Variants in TMEFF2 observed in about 807,000 individuals in gnomAD.
TMEFF2 encodes the protein transmembrane protein with EGF like and two follistatin like domains 2.
In TMEFF2, 28 loss-of-function variants were observed where a neutral mutation model predicts 53.8. The ratio of observed to expected loss-of-function variants is 0.52; its 90% CI spans 0.39 to 0.71. The LOEUF (loss-of-function observed/expected upper bound fraction) is 0.71, where lower values mean the gene tolerates loss of function less well. Among genes scored for constraint, TMEFF2 ranks in the 30% least tolerant of loss-of-function variants. The pLI, the probability that TMEFF2 is intolerant of heterozygous loss-of-function variation, is 0.00. For missense variants in TMEFF2, 353 were observed against 455.2 expected (o/e 0.78, Z 2.04); for synonymous variants, 162 against 166.3 (o/e 0.97, Z 0.20).
chr2:192,091,485 AAAC>A (rs1181386149), intron 4 of TMEFF2, among the ~76,000 whole-genome samples: 2 of 152,198 alleles, frequency 1.3e-5, no homozygotes, highest in Non-Finnish European at 1.5e-5. Flanking sequence ...AGAGAAAGAA[AAAC>A]AATATTTACT....
chr2:192,152,393 T>C (rs1350216440), intron 4 of TMEFF2, among the ~76,000 whole-genome samples: 2 of 151,916 alleles, frequency 1.3e-5, no homozygotes, highest in Admixed American at 1.3e-4. Flanking sequence ...TGATTGCTGT[T>C]GTAATCATTT....
chr2:192,188,830 TCTATCTATCTA>T (rs1559164493), intron 2 of TMEFF2, among the ~76,000 whole-genome samples: 11,697 of 139,312 alleles, frequency 0.084, 697 homozygotes, highest in African/African-American at 0.11. Flanking sequence ...CGCTTTTCTA[TCTATCTATCTA>T]TCTATCTATC....
chr2:191,960,698 G>A (rs1692246599), intron 7 of TMEFF2, among the ~76,000 whole-genome samples: 1 of 152,296 alleles, frequency 6.6e-6, no homozygotes, highest in Admixed American at 6.5e-5. Context: ...TTCTGTGTAA[G>A]CGTTTCTGAG....
chr2:192,094,587 C>T (rs1009864538), intron 4 of TMEFF2, among the ~76,000 whole-genome samples: 3 of 151,934 alleles, frequency 2.0e-5, no homozygotes, highest in African/African-American at 7.3e-5. Context: ...AAGAGGATGC[C>T]CTCGGAGAGA....
intron 5 of TMEFF2, chr2:192,037,240 A>G (rs1574312604): frequency 6.7e-6 from 1 of 149,050 alleles, no homozygotes; most frequent in Non-Finnish European, 1.5e-5. Context: ...ATGTTGCTAG[A>G]AGTGCAGAAT....
chr2:192,115,872 A>G (rs1689391982), intron 4 of TMEFF2, among the ~76,000 whole-genome samples: 1 of 152,166 alleles, frequency 6.6e-6, no homozygotes, highest in African/African-American at 2.4e-5. Context: ...GGGAACTCTT[A>G]TAGACTGTTG....
At chr2:192,142,977 G>A (rs947065719) in intron 4 of TMEFF2, among the ~76,000 whole-genome samples, 3 of 152,062 alleles carry the variant, frequency 2.0e-5, no homozygotes, top group Admixed American at 6.6e-5. Flanking sequence ...CATATTACTT[G>A]CCCACATTTA....
chr2:192,068,013 T>C (rs1223159048), intron 4 of TMEFF2, among the ~76,000 whole-genome samples: 5 of 152,014 alleles, frequency 3.3e-5, no homozygotes, highest in African/African-American at 1.2e-4. Context: ...GAAAATGGCA[T>C]TAATTAATCT....
intron 4 of TMEFF2, among the ~76,000 whole-genome samples, chr2:192,162,779 C>G (rs1690666507): frequency 6.6e-6 from 1 of 152,142 alleles, no homozygotes. Flanking sequence ...GAAAATAACT[C>G]TTCTCACTTT....
At chr2:191,964,358 T>C (rs1261448911) in intron 7 of TMEFF2, among the ~76,000 whole-genome samples, 24 of 104,364 alleles carry the variant, frequency 2.3e-4, no homozygotes, top group African/African-American at 9.1e-4. Context: ...CTTTCTTTCT[T>C]TCTTTCTTTC....
chr2:192,061,225 A>C (rs1688036148), intron 4 of TMEFF2, among the ~76,000 whole-genome samples: 1 of 152,152 alleles, frequency 6.6e-6, no homozygotes, highest in Non-Finnish European at 1.5e-5. Flanking sequence ...GTTCAAACAC[A>C]TGGGTAAGCA....
rs77860149 is a variant in TMEFF2 at position 192,102,039 on chromosome 2, A to T, written c.440-44264T>A. 7.4e-3 allele frequency among the ~76,000 whole-genome samples: 1,124 copies of T among 152,308 alleles called. 20 individuals carry two copies. The highest frequency in any genetic ancestry group is 0.024 in the African/African-American group (1,009 of 41,572). On this transcript the variant is annotated intron_variant, in intron 4 of 9. Transcript: ENST00000272771. ...TGTCTGGCACATACAAAAGCTCCAT[A>T]GATGTGATTTAACTTAGTTTTGGCG...
At position 191,950,316 on chromosome 2, in the gene TMEFF2, T is replaced by C; in HGVS notation, c.1120A>G (p.Ile374Val). ...DNTTRASTRL[I>V] Reference sequence around the variant, plus strand: ...CACTGTGAAACATGCTCCCTTTAGATTAACCTCGTGGACGCTCTTGTTGTA... The same window carrying C: ...CACTGTGAAACATGCTCCCTTTAGACTAACCTCGTGGACGCTCTTGTTGTA... Residue 374 changes from isoleucine to valine, a missense_variant, in exon 10 of 10, where the codon ATC becomes GTC. Physicochemically the swap from Ile to Val is conservative, Grantham distance 29 (BLOSUM62 3). Transcript: ENST00000272771. 1.9e-6 allele frequency: 3 copies of C among 1,612,898 alleles called. No homozygotes were observed. The highest frequency in any genetic ancestry group is 2.5e-6 in the Non-Finnish European group (3 of 1,179,238).
At chr2:192,034,196 C>A (rs1048334107) in intron 5 of TMEFF2, among the ~76,000 whole-genome samples, 44 of 150,044 alleles carry the variant, frequency 2.9e-4, no homozygotes, top group Non-Finnish European at 3.7e-4. Flanking sequence ...AAAAAAAATC[C>A]TTTTTTTATA....
At chr2:192,180,731 C>G (rs934379397) in intron 3 of TMEFF2, among the ~76,000 whole-genome samples, 1 of 151,574 alleles carries the variant, frequency 6.6e-6, no homozygotes, top group Non-Finnish European at 1.5e-5. Flanking sequence ...TTGAGAAACA[C>G]CACATAGAAA....
chr2:192,073,801 T>C (rs1688347798), intron 4 of TMEFF2, among the ~76,000 whole-genome samples: 1 of 151,742 alleles, frequency 6.6e-6, no homozygotes, highest in South Asian at 2.1e-4. Context: ...TAAAACAAAA[T>C]AAGGTGTTAT....
At chr2:191,960,357 A>C (rs1692237095) in intron 7 of TMEFF2, among the ~76,000 whole-genome samples, 1 of 152,212 alleles carries the variant, frequency 6.6e-6, no homozygotes, top group Non-Finnish European at 1.5e-5. Context: ...TGTAGCCTTC[A>C]CATTGGAATG....
intron 7 of TMEFF2, among the ~76,000 whole-genome samples, chr2:191,983,371 G>A (rs1156756209): frequency 6.9e-6 from 1 of 145,178 alleles, no homozygotes; most frequent in African/African-American, 2.5e-5. Flanking sequence ...CAGTTTCCAT[G>A]ATTAATGATG....
intron 5 of TMEFF2, among the ~76,000 whole-genome samples, chr2:192,048,568 G>A (rs1687683624): frequency 6.6e-6 from 1 of 151,794 alleles, no homozygotes; most frequent in African/African-American, 2.4e-5. Context: ...TGTTATATTG[G>A]AACATAAGAG....
Sources: gnomAD v4.1 joint callset for allele counts (sites outside exome capture counted in the v4.1 genomes callset) on GRCh38, gnomAD v4.1.1 for gene constraint, MANE v1.5 for transcripts, NCBI Gene and HGNC (gene_info 2026-07-23, HGNC 2026-07-21) for gene names.